NRDE2: variants seen among roughly 807,000 people sequenced by gnomAD.
NRDE2 encodes the protein nuclear exosome regulator NRDE2.
A neutral mutation model predicts 124.2 loss-of-function variants in NRDE2; 76 were observed. That is an observed-to-expected ratio of 0.61 (90% CI 0.51 to 0.74). The LOEUF (loss-of-function observed/expected upper bound fraction) is 0.74, where lower values mean the gene tolerates loss of function less well. NRDE2 is among the 30% of genes least tolerant of loss of function. NRDE2 has a pLI of 0.00. For missense variants in NRDE2, 1,314 were observed against 1,417.3 expected (o/e 0.93, Z 1.17); for synonymous variants, 489 against 528.1 (o/e 0.93, Z 1.01).
In NRDE2 at chr14:90,301,377, G is replaced by T; in HGVS notation, c.1412-5C>A. 6.2e-7 allele frequency: 1 copy of T among 1,613,530 alleles called. No homozygotes were observed. Among genetic ancestry groups the T allele is most frequent in the African/African-American group, 1.3e-5 (1 of 75,018 alleles). ...GGCACTGCTGAAGAAAGAGTGCTGC[G>T]AACAGGAGGGCAAAGGGGAAGAAGC... On this transcript the variant is annotated splice_region_variant and splice_polypyrimidine_tract_variant and intron_variant, in intron 6 of 13. Coordinates refer to ENST00000354366, the MANE Select transcript of NRDE2 (RefSeq NM_017970.4).
chr14:90,317,290 T>C (rs1038807040), intron 2 of NRDE2, among the ~76,000 whole-genome samples: 5 of 152,156 alleles, frequency 3.3e-5, no homozygotes, highest in African/African-American at 1.2e-4. Context: ...AAAATCATTA[T>C]AAAAAGGTTT....
chr14:90,330,914 A>T (rs1341026555), intron 1 of NRDE2, among the ~76,000 whole-genome samples: 2 of 152,074 alleles, frequency 1.3e-5, no homozygotes, highest in South Asian at 2.1e-4. Context: ...CATATGGCAC[A>T]TAATTTAGAA....
chr14:90,279,168 G>A (rs748434990), intron 12 of NRDE2, 35 bp from the exon 13 acceptor site: 1 of 1,518,500 alleles, frequency 6.6e-7, no homozygotes, highest in South Asian at 1.1e-5. Context: ...AACATGATTA[G>A]TTGACACAGA....
chr14:90,324,822 G>A (rs1595079385), intron 1 of NRDE2, among the ~76,000 whole-genome samples: 1 of 152,138 alleles, frequency 6.6e-6, no homozygotes, highest in East Asian at 1.9e-4. Flanking sequence ...ACTTCATAGA[G>A]TTGTTACGTG....
chr14:90,307,991 T>C (rs776053977), intron 4 of NRDE2, among the ~76,000 whole-genome samples: 4 of 152,154 alleles, frequency 2.6e-5, no homozygotes, highest in Non-Finnish European at 5.9e-5. Context: ...GAAGCGATCC[T>C]CCTGTCTTGA....
At position 90,273,986 on chromosome 14, in the gene NRDE2, T is replaced by TTAA. The variant is rs1891734108; in HGVS notation, c.*4347_*4349dup. The TTAA allele has an allele frequency of 6.7e-6, 1 of 148,788 alleles. No homozygotes were observed. The highest frequency in any genetic ancestry group is 2.5e-5 in the African/African-American group (1 of 40,516). 9.2% of individuals were successfully genotyped at this position (148,788 alleles called of 1,614,324 possible). ...CCCTGTTTTAAAGTTTACAATCTTC[T>TTAA]TAATTTTTATCTGCAAAGTTCCTTT... is the stretch of plus-strand genomic sequence containing the variant. On this transcript the variant is annotated 3_prime_UTR_variant, in exon 14 of 14. Transcript: ENST00000354366.
Position 90,288,557 on chromosome 14 carries a change from G to T in NRDE2, c.2818C>A (p.Pro940Thr), listed in dbSNP as rs146392222. The T allele has an allele frequency of 3.7e-6, 6 of 1,613,954 alleles. No individual in the cohort carries two copies. The highest frequency in any genetic ancestry group is 1.3e-5 in the African/African-American group (1 of 74,892). ...VFAKLNSSVF[P>T]EGSGEGDSAS... ...CTGTCCCCCTCGCCAGAGCCTTCTGGGAAAACAGAACTGTTCAGTTTTGCA... is the reference window on the plus strand; with the variant it reads ...CTGTCCCCCTCGCCAGAGCCTTCTGTGAAAACAGAACTGTTCAGTTTTGCA... Residue 940 changes from proline to threonine, a missense_variant, in exon 11 of 14, where the codon CCA (proline) becomes ACA (threonine). Physicochemically the swap from Pro to Thr is conservative, Grantham distance 38. Transcript: ENST00000354366.
At chr14:90,317,788 A>G (rs1315483712) in intron 2 of NRDE2, 4 of 417,114 alleles carry the variant, frequency 9.6e-6, no homozygotes, top group Non-Finnish European at 1.7e-5. Context: ...TCTTGGCCTA[A>G]TTACAGGCAC....
At chr14:90,303,180 T>G (rs1884468605) in intron 5 of NRDE2, 55 bp from the exon 6 acceptor site, 1 of 1,506,598 alleles carries the variant, frequency 6.6e-7, no homozygotes, top group Admixed American at 2.0e-5. Flanking sequence ...AGATCCTGAG[T>G]TTCAACAATG....
intron 9 of NRDE2, among the ~76,000 whole-genome samples, chr14:90,292,458 A>C (rs1595060856): frequency 6.6e-6 from 1 of 152,344 alleles, no homozygotes; most frequent in East Asian, 1.9e-4. Context: ...AGGGGACAGA[A>C]GCTCTCTGGT....
chr14:90,268,798 A>T lies in NRDE2; in HGVS notation c.*9538T>A, dbSNP rs985067269. The T allele has an allele frequency of 1.1e-5, 2 of 175,084 alleles. No homozygotes were observed. The highest frequency in any genetic ancestry group is 1.2e-5 in the Non-Finnish European group (1 of 83,254). The allele number at this position is 175,084 out of a possible 1,614,324, so 10.8% of individuals were successfully genotyped here. A position where few individuals can be genotyped will look rare whatever the true frequency, so the allele number is the denominator to read the frequency against. ...ACAGAAACTGCTATGAAAAAATATG[A>T]TCTGTAACTTGGCTGATGGGAGCGT... On this transcript the variant is annotated 3_prime_UTR_variant, in exon 14 of 14. Coordinates refer to ENST00000354366, the MANE Select transcript of NRDE2 (RefSeq NM_017970.4).
At chr14:90,328,330 A>C (rs902554882) in intron 1 of NRDE2, among the ~76,000 whole-genome samples, 1 of 151,998 alleles carries the variant, frequency 6.6e-6, no homozygotes, top group African/African-American at 2.4e-5. Flanking sequence ...AAAAGAAAAA[A>C]GTATTTATCC....
rs371768667 is a variant in NRDE2, at chr14:90,292,683, C to T, written c.1842+14G>A. ...CCCCTGGACAGCTTCCTGCCTGGGGCGGAGGATACATGCCTGTCTCTCGGG... is the reference window on the plus strand; with the variant it reads ...CCCCTGGACAGCTTCCTGCCTGGGGTGGAGGATACATGCCTGTCTCTCGGG... On this transcript the variant is annotated intron_variant, in intron 9 of 13. Coordinates refer to ENST00000354366, the MANE Select transcript of NRDE2 (RefSeq NM_017970.4). 8 of 1,606,094 alleles carry T rather than the reference C, an allele frequency of 5.0e-6. No individual in the cohort carries two copies. Among genetic ancestry groups the T allele is most frequent in the South Asian group, 4.4e-5 (4 of 90,846 alleles).
chr14:90,300,568 T>G (rs1161163106), intron 7 of NRDE2, among the ~76,000 whole-genome samples: 1 of 151,878 alleles, frequency 6.6e-6, no homozygotes, highest in Non-Finnish European at 1.5e-5. Context: ...ATAAAAATTC[T>G]TTATTTCTTC....
At chr14:90,285,537 G>A (rs927161850) in intron 12 of NRDE2, among the ~76,000 whole-genome samples, 1 of 152,068 alleles carries the variant, frequency 6.6e-6, no homozygotes, top group Non-Finnish European at 1.5e-5. Context: ...CCTGACCTCA[G>A]GTGATCTGCC....
chr14:90,295,345 ATATATATTAGCATAATG>A (rs1371139468), intron 8 of NRDE2, among the ~76,000 whole-genome samples: 2 of 152,208 alleles, frequency 1.3e-5, no homozygotes, highest in East Asian at 1.9e-4. Flanking sequence ...ATTATAGATC[ATATATATTAGCATAATG>A]TATATATTAG....
chr14:90,327,557 GAA>G (rs60195751), intron 1 of NRDE2, among the ~76,000 whole-genome samples: 5,075 of 106,422 alleles, frequency 0.048, 259 homozygotes, highest in African/African-American at 0.15. Flanking sequence ...TCTAAAAAAA[GAA>G]AAAAAAAAAA....
chr14:90,331,705 A>G (rs937880241), intron 1 of NRDE2, 136 bp downstream of exon 1: 2 of 981,834 alleles, frequency 2.0e-6, no homozygotes, highest in African/African-American at 3.2e-5. Context: ...AGCCTTTCCC[A>G]GAAGGCTTTG....
chr14:90,291,380 T>C (rs1399437148), intron 9 of NRDE2, among the ~76,000 whole-genome samples: 1 of 152,196 alleles, frequency 6.6e-6, no homozygotes, highest in African/African-American at 2.4e-5. Context: ...GCTCTTTATG[T>C]TAAAAATAAA....
Sources: gnomAD v4.1 joint callset for allele counts (sites outside exome capture counted in the v4.1 genomes callset) on GRCh38, gnomAD v4.1.1 for gene constraint, MANE v1.5 for transcripts, NCBI Gene and HGNC (gene_info 2026-07-23, HGNC 2026-07-21) for gene names.